The following ENOX2 variants were observed in gnomAD, a reference collection of about 807,000 sequenced individuals.
ENOX2 encodes the protein ecto-NOX disulfide-thiol exchanger 2.
A neutral mutation model predicts 45.0 loss-of-function variants in ENOX2; 36 were observed. The observed-to-expected ratio is 0.80, with a 90% CI of 0.61 to 1.06. The LOEUF is 1.06. Ranked by LOEUF, ENOX2 falls within the 50% of genes least tolerant of loss-of-function variation. ENOX2 has a pLI of 0.00. For synonymous variants in ENOX2, 174 were observed against 152.3 expected (o/e 1.14, Z -1.05); for missense variants, 423 against 462.5 (o/e 0.91, Z 0.78).
intron 3 of ENOX2, among the ~76,000 whole-genome samples, chrX:130,723,822 A>C: frequency 9.0e-6 from 1 of 111,638 alleles, no homozygotes; most frequent in Non-Finnish European, 1.9e-5. Flanking sequence ...ACGTAGCACT[A>C]ATGTGACTCT....
chrX:130,805,308 G>A, intron 2 of ENOX2, among the ~76,000 whole-genome samples: 1 of 111,875 alleles, frequency 8.9e-6, no homozygotes, highest in Middle Eastern at 4.6e-3. Context: ...AAAGGAAAAA[G>A]GGTTACCAAG....
chrX:130,870,731 G>A (rs2078565621), intron 2 of ENOX2, among the ~76,000 whole-genome samples: 1 of 111,455 alleles, frequency 9.0e-6, no homozygotes, highest in African/African-American at 3.3e-5. Context: ...AGCAACTGCT[G>A]AGAATTAAAA....
chrX:130,812,713 T>A (rs2077411118), intron 2 of ENOX2, among the ~76,000 whole-genome samples: 1 of 112,277 alleles, frequency 8.9e-6, no homozygotes, highest in Non-Finnish European at 1.9e-5. Context: ...ATTAACATTC[T>A]TAAAATGTTC....
chrX:130,670,257 GGA>G, intron 6 of ENOX2, 59 bp from the exon 7 acceptor site: 2 of 807,619 alleles, frequency 2.5e-6, no homozygotes, highest in Non-Finnish European at 1.8e-6. Context: ...AGAAGTAGAG[GGA>G]GAGAGAGACA....
At chrX:130,741,594 C>G (rs1205001161) in intron 3 of ENOX2, among the ~76,000 whole-genome samples, 1 of 111,326 alleles carries the variant, frequency 9.0e-6, no homozygotes, top group Admixed American at 9.6e-5. Context: ...GAAGGAAAAC[C>G]CTGGCTTGAG....
chrX:130,747,596 T>C (rs1013965145), intron 3 of ENOX2, among the ~76,000 whole-genome samples: 7 of 112,541 alleles, frequency 6.2e-5, no homozygotes, highest in Admixed American at 1.9e-4. Context: ...TATATACAGA[T>C]GACCTGTTTT....
intron 3 of ENOX2, among the ~76,000 whole-genome samples, chrX:130,716,002 C>T (rs1379745070): frequency 3.6e-5 from 4 of 111,171 alleles, no homozygotes; most frequent in African/African-American, 1.3e-4. Context: ...AAACAGGGGC[C>T]ACTGGGGGTA....
chrX:130,668,029 T>C (rs1049258161), intron 7 of ENOX2, among the ~76,000 whole-genome samples: 2 of 109,929 alleles, frequency 1.8e-5, no homozygotes, highest in African/African-American at 3.3e-5. Context: ...ATAGGTTTCA[T>C]GTATTGCAAA....
intron 2 of ENOX2, among the ~76,000 whole-genome samples, chrX:130,835,314 T>G (rs2077910864): frequency 4.5e-5 from 5 of 111,437 alleles, no homozygotes; most frequent in Admixed American, 1.9e-4. Context: ...GTACTTTACA[T>G]GCATTTTCTT....
rs148471666 is a variant in ENOX2, at chrX:130,634,808, C to T, written c.1419+176G>A. ...AACCCTTAGAAATGCCAAGGACTCA[C>T]ACCTAAAAGCAAAGCCCTTAGTATA... On this transcript the variant is annotated intron_variant, in intron 12 of 14. Coordinates refer to ENST00000394363, the MANE Select transcript of ENOX2 (RefSeq NM_006375.4). 8.9e-3 allele frequency among the ~76,000 whole-genome samples: 989 copies of T among 111,280 alleles called. 3 individuals are homozygous for T. The highest frequency in any genetic ancestry group is 0.041 in the Middle Eastern group (9 of 217).
At chrX:130,726,657 G>A (rs1419992453) in intron 3 of ENOX2, among the ~76,000 whole-genome samples, 1 of 112,305 alleles carries the variant, frequency 8.9e-6, no homozygotes, top group Admixed American at 9.4e-5. Context: ...AGAAAAACAT[G>A]CTCTTTTCAA....
intron 3 of ENOX2, among the ~76,000 whole-genome samples, chrX:130,770,957 T>C (rs752046131): frequency 5.5e-4 from 62 of 112,453 alleles, no homozygotes; most frequent in African/African-American, 1.9e-3. Context: ...TGGCTGTTCA[T>C]TGCAGCACTG....
intron 2 of ENOX2, among the ~76,000 whole-genome samples, chrX:130,891,826 C>T (rs1015385258): frequency 8.9e-6 from 1 of 111,776 alleles, no homozygotes; most frequent in African/African-American, 3.2e-5. Context: ...TGATTCAAAA[C>T]AGTGAAAGTA....
At position 130,679,601 on chromosome X, in the gene ENOX2, T is replaced by C; in HGVS notation, c.401A>G (p.Asn134Ser). 8.3e-7 allele frequency: 1 copy of C among 1,211,007 alleles called. No homozygotes were observed. The highest frequency in any genetic ancestry group is 1.1e-6 in the Non-Finnish European group (1 of 894,906). ...EIIAIRKSKK[N>S]FCHIRFAEEY... The stretch of plus-strand genomic sequence containing the variant: ...CTCAGCAAAGCGAATGTGGCAGAAG[T>C]TCTTCTTGCTCTTGCGAATGGCAAT... Residue 134 changes from asparagine (N) to serine (S), a missense_variant, in exon 6 of 15, where the codon AAC (asparagine) becomes AGC (serine). Coordinates refer to ENST00000394363, the MANE Select transcript of ENOX2 (RefSeq NM_006375.4).
chrX:130,661,169 C>T (rs2036677653), intron 9 of ENOX2, among the ~76,000 whole-genome samples: 1 of 108,567 alleles, frequency 9.2e-6, no homozygotes, highest in African/African-American at 3.3e-5. Flanking sequence ...AAATGTGTAA[C>T]AAAATTCTAC....
At chrX:130,792,313 T>C (rs1224723211) in intron 2 of ENOX2, among the ~76,000 whole-genome samples, 3 of 111,886 alleles carry the variant, frequency 2.7e-5, no homozygotes, top group Non-Finnish European at 5.6e-5. Flanking sequence ...CTATGCTTAA[T>C]ACCTGGGTAA....
intron 3 of ENOX2, among the ~76,000 whole-genome samples, chrX:130,765,613 TTAA>T (rs2039596507): frequency 1.8e-5 from 2 of 111,438 alleles, no homozygotes; most frequent in Non-Finnish European, 3.8e-5. Flanking sequence ...TATTAATCTA[TTAA>T]TAATGCTGAT....
chrX:130,787,991 C>T (rs1357433424), intron 2 of ENOX2, among the ~76,000 whole-genome samples: 2 of 111,967 alleles, frequency 1.8e-5, no homozygotes, highest in African/African-American at 6.5e-5. Flanking sequence ...AATCCTATGA[C>T]ACCAGTGCTT....
At chrX:130,897,269 C>T (rs943003976) in intron 2 of ENOX2, among the ~76,000 whole-genome samples, 1 of 111,857 alleles carries the variant, frequency 8.9e-6, no homozygotes, top group South Asian at 3.8e-4. Context: ...GAAAGATTTC[C>T]GTACATGAGC....
Sources: allele counts gnomAD v4.1 joint callset (sites outside exome capture counted in the v4.1 genomes callset), GRCh38; gene constraint gnomAD v4.1.1; transcripts MANE v1.5; gene names NCBI Gene and HGNC (gene_info 2026-07-23, HGNC 2026-07-21).